Variants in PTPRD observed in about 807,000 individuals in gnomAD.
The protein encoded by PTPRD is protein tyrosine phosphatase receptor type D.
A neutral mutation model predicts 214.5 loss-of-function variants in PTPRD; 34 were observed. The observed-to-expected ratio is 0.16, with a 90% confidence interval of 0.12 to 0.21. PTPRD has a LOEUF of 0.21. Ranked by LOEUF, PTPRD falls within the 10% of genes least tolerant of loss-of-function variation. The pLI, the probability that PTPRD is intolerant of heterozygous loss-of-function variation, is 1.00. For synonymous variants in PTPRD, 1,128 were observed against 845.7 expected, an observed-to-expected ratio of 1.33 and a Z score of -5.79; for missense variants, 2,545 against 2,398.7, an observed-to-expected ratio of 1.06 and a Z score of -1.27.
At chr9:9,880,593 G>A (rs2068353585) in intron 5 of PTPRD, among the ~76,000 whole-genome samples, 1 of 152,062 alleles carries the variant, frequency 6.6e-6, no homozygotes, top group African/African-American at 2.4e-5. Context: ...TGGCTTCAAT[G>A]CACTAGAGGA....
chr9:8,373,044 G>C (rs184860553), intron 39 of PTPRD, among the ~76,000 whole-genome samples: 1 of 152,038 alleles, frequency 6.6e-6, no homozygotes, highest in Non-Finnish European at 1.5e-5. Flanking sequence ...TATTTTTTGT[G>C]ATTATGTGTA....
intron 5 of PTPRD, among the ~76,000 whole-genome samples, chr9:9,800,284 A>C (rs1349758982): frequency 6.6e-6 from 1 of 152,170 alleles, no homozygotes; most frequent in African/African-American, 2.4e-5. Context: ...ACAGTGAGCT[A>C]TGATTGAGTC....
intron 3 of PTPRD, among the ~76,000 whole-genome samples, chr9:10,319,979 C>A (rs1452767972): frequency 6.6e-6 from 1 of 151,984 alleles, no homozygotes; most frequent in Non-Finnish European, 1.5e-5. Flanking sequence ...CACCAAATGT[C>A]ATTTCTCATG....
rs183240573 is a variant in PTPRD at position 9,952,426 on chromosome 9, T to C, written c.-471-13816A>G. ...GGGAAATGGTGTTCCTGGGGCAAGA[T>C]GTAGGTATAACAAACAAGGATGTTG... On this transcript the variant is annotated intron_variant, in intron 4 of 45. Coordinates refer to ENST00000381196, the MANE Select transcript of PTPRD (RefSeq NM_002839.4). Among the ~76,000 whole-genome samples, 396 of 152,288 alleles carry C rather than the reference T, an allele frequency of 2.6e-3. 2 individuals carry two copies. Among genetic ancestry groups the C allele is most frequent in the African/African-American group, 9.0e-3 (372 of 41,542 alleles).
chr9:8,824,687 G>T (rs1230794878), intron 11 of PTPRD, among the ~76,000 whole-genome samples: 1 of 152,152 alleles, frequency 6.6e-6, no homozygotes, highest in Admixed American at 6.5e-5. Context: ...TCAGCTGATT[G>T]TAATGTGCCC....
intron 7 of PTPRD, among the ~76,000 whole-genome samples, chr9:9,604,484 G>A (rs974300585): frequency 6.6e-6 from 1 of 151,920 alleles, no homozygotes; most frequent in Non-Finnish European, 1.5e-5. Flanking sequence ...TAGAATGTAT[G>A]CTTTCTGTTA....
rs1214516572 is a variant in PTPRD, at chr9:9,687,641, A to C, written c.-287+46892T>G. Among the ~76,000 whole-genome samples, 3 of 151,808 alleles carry C rather than the reference A, an allele frequency of 2.0e-5. No individual in the cohort carries two copies. In the East Asian group the frequency reaches 5.8e-4, roughly 29 times the overall value. ...AAAGTATAATAATAAAAAAAGAAAA[A>C]AAAAAGATTATGCAATCTTTAACAT... On this transcript the variant is annotated intron_variant, in intron 7 of 45. Transcript: ENST00000381196.
intron 3 of PTPRD, among the ~76,000 whole-genome samples, chr9:10,139,583 A>G (rs2098968083): frequency 1.3e-5 from 2 of 152,072 alleles, no homozygotes. Flanking sequence ...GGTATTCTTA[A>G]GCAAACAAAC....
In PTPRD at chr9:9,938,548, G is replaced by C. The variant is rs1484517859; in HGVS notation, c.-409C>G. ...TCGCTTCCCTCGGTGCCAACATGCT[G>C]TCAGTCAGACACCTCTAACTGGAAT... is the stretch of plus-strand genomic sequence containing the variant. On this transcript the variant is annotated 5_prime_UTR_variant, in exon 5 of 46. Coordinates refer to ENST00000381196, the MANE Select transcript of PTPRD (RefSeq NM_002839.4). 1 of 152,062 alleles carries C rather than the reference G, an allele frequency of 6.6e-6. No individual in the cohort carries two copies. The highest frequency in any genetic ancestry group is 3.2e-3 in the Middle Eastern group (1 of 314). The allele number at this position is 152,062 out of a possible 1,614,324, so 9.4% of individuals were successfully genotyped here.
At chr9:9,098,673 T>C (rs1276493980) in intron 10 of PTPRD, among the ~76,000 whole-genome samples, 2 of 152,200 alleles carry the variant, frequency 1.3e-5, no homozygotes, top group East Asian at 1.9e-4. Flanking sequence ...CATGTACCCA[T>C]CGACTTACAT....
At chr9:10,188,535 AT>A (rs575426057) in intron 3 of PTPRD, among the ~76,000 whole-genome samples, 4 of 147,070 alleles carry the variant, frequency 2.7e-5, no homozygotes, top group East Asian at 2.0e-4. Flanking sequence ...CTTTTTCAAT[AT>A]TTTTTTTTCA....
At chr9:10,529,004 T>C (rs1181358303) in intron 2 of PTPRD, among the ~76,000 whole-genome samples, 1 of 152,182 alleles carries the variant, frequency 6.6e-6, no homozygotes, top group East Asian at 1.9e-4. Context: ...AATTTATGGC[T>C]TAGGTTTAGT....
chr9:9,758,249 T>C (rs938003613), intron 6 of PTPRD, among the ~76,000 whole-genome samples: 18 of 151,716 alleles, frequency 1.2e-4, no homozygotes, highest in Non-Finnish European at 2.1e-4. Context: ...CATTATTCAA[T>C]GTAGCTCTCT....
chr9:8,472,019 C>T (rs556719308), intron 30 of PTPRD, among the ~76,000 whole-genome samples: 6 of 152,244 alleles, frequency 3.9e-5, no homozygotes, highest in Admixed American at 1.3e-4. Context: ...CTGGTTTTGT[C>T]CTCCTACAGA....
intron 11 of PTPRD, among the ~76,000 whole-genome samples, chr9:8,806,709 C>G (rs1031034259): frequency 6.6e-6 from 1 of 152,154 alleles, no homozygotes; most frequent in African/African-American, 2.4e-5. Context: ...ACCTGAGGTT[C>G]TGTTCTGATG....
At chr9:9,079,678 C>G (rs1257035792) in intron 10 of PTPRD, among the ~76,000 whole-genome samples, 4 of 152,052 alleles carry the variant, frequency 2.6e-5, no homozygotes, top group Non-Finnish European at 5.9e-5. Flanking sequence ...GTGACATAAC[C>G]TTTGGCAGGC....
At position 9,467,588 on chromosome 9, in the gene PTPRD, C is replaced by CAAAAAAATAATAAAAAAAAAAAAAAAAA. The variant is rs2094287717; in HGVS notation, c.-236-70107_-236-70106insTTTTTTTTTTTTTTTTTATTATTTTTTT. ...GGCGACAGAGCGGGACTCCATCTCC[C>CAAAAAAATAATAAAAAAAAAAAAAAAAA]AAAAAAAAAAAAAAAAAAAAAAGTT... is the stretch of plus-strand genomic sequence containing the variant. On this transcript the variant is annotated intron_variant, in intron 8 of 45. Transcript: ENST00000381196. Among the ~76,000 whole-genome samples, 148 of 55,950 alleles carry CAAAAAAATAATAAAAAAAAAAAAAAAAA rather than the reference C, an allele frequency of 2.6e-3. 4 individuals carry two copies. Among genetic ancestry groups the CAAAAAAATAATAAAAAAAAAAAAAAAAA allele is most frequent in the African/African-American group, 9.5e-3 (145 of 15,256 alleles). The allele number at this position is 55,950 out of a possible 152,430, so 36.7% of individuals were successfully genotyped here.
intron 8 of PTPRD, among the ~76,000 whole-genome samples, chr9:9,514,279 G>C (rs1443003258): frequency 6.6e-6 from 1 of 152,018 alleles, no homozygotes; most frequent in Non-Finnish European, 1.5e-5. Context: ...GGATCTATCA[G>C]GTTGAAGAAT....
chr9:9,795,837 A>C (rs1007525736), intron 5 of PTPRD, among the ~76,000 whole-genome samples: 1 of 152,130 alleles, frequency 6.6e-6, no homozygotes, highest in Admixed American at 6.5e-5. Context: ...GTTCCAGACT[A>C]AACAGTAGGT....
Sources: allele counts gnomAD v4.1 joint callset (sites outside exome capture counted in the v4.1 genomes callset), GRCh38; gene constraint gnomAD v4.1.1; transcripts MANE v1.5; gene names NCBI Gene and HGNC (gene_info 2026-07-23, HGNC 2026-07-21).